The following CDV3 variants were observed in gnomAD, a reference collection of about 807,000 sequenced individuals.
CDV3 encodes the protein CDV3 homolog.
In CDV3, 14 loss-of-function variants were observed where a neutral mutation model predicts 24.5. That is an observed-to-expected ratio of 0.57 (90% CI 0.38 to 0.89). CDV3 has a LOEUF of 0.89. CDV3 is among the 40% of genes least tolerant of loss of function. The pLI is 0.00. For synonymous variants in CDV3, 114 were observed against 114.1 expected (o/e 1.00, Z 0.00); for missense variants, 304 against 310.2 (o/e 0.98, Z 0.15).
chr3:133,579,498 C>T (rs2074936450), intron 2 of CDV3, among the ~76,000 whole-genome samples: 1 of 152,014 alleles, frequency 6.6e-6, no homozygotes, highest in East Asian at 1.9e-4. Flanking sequence ...ATATGTAAAT[C>T]ATTTCTACCC....
intron 2 of CDV3, among the ~76,000 whole-genome samples, chr3:133,575,568 C>T (rs894972687): frequency 1.3e-5 from 2 of 152,168 alleles, no homozygotes; most frequent in African/African-American, 2.4e-5. Context: ...TGCAACCAAC[C>T]TGTGCAATAA....
At chr3:133,576,333 T>C (rs186757204) in intron 2 of CDV3, among the ~76,000 whole-genome samples, 159 of 151,814 alleles carry the variant, frequency 1.0e-3, no homozygotes, top group Non-Finnish European at 1.6e-4. Context: ...GCTTCCTTAA[T>C]GTGTCTTTCT....
Position 133,574,227 on chromosome 3 carries a change from C to T in CDV3, c.183C>T (p.Gly61=). 3 of 996,406 alleles carry T rather than the reference C, an allele frequency of 3.0e-6. No individual in the cohort carries two copies. Among genetic ancestry groups the T allele is most frequent in the Non-Finnish European group, 3.6e-6 (3 of 838,636 alleles). 61.7% of individuals were successfully genotyped at this position (996,406 alleles called of 1,614,324 possible). ...GAGAGTRPGD[G]GTASAGAAGP... The stretch of plus-strand genomic sequence containing the variant: ...GCGCGGGGACCCGGCCGGGTGACGG[C>T]GGGACCGCCAGCGCGGGGGCTGCGG... Residue 61 remains glycine (G), a synonymous_variant, in exon 1 of 5, where the codon GGC becomes GGT. Transcript: ENST00000264993.
intron 4 of CDV3, 62 bp from the exon 5 acceptor site, chr3:133,587,834 G>C: frequency 6.6e-7 from 1 of 1,523,706 alleles, no homozygotes; most frequent in East Asian, 2.3e-5. Flanking sequence ...ATTCAAGGAC[G>C]AATATTTTCA....
Position 133,589,230 on chromosome 3 carries a change from ATGTACT to A in CDV3, c.*1188_*1193del, listed in dbSNP as rs1933898847. 6.6e-6 allele frequency: 1 copy of A among 152,638 alleles called. No individual in the cohort carries two copies. The highest frequency in any genetic ancestry group is 2.1e-4 in the South Asian group (1 of 4,828). 9.5% of individuals were successfully genotyped at this position (152,638 alleles called of 1,614,324 possible). On this transcript the variant is annotated 3_prime_UTR_variant, in exon 5 of 5. Transcript: ENST00000264993. ...GCATGATCTTTGATAAGAATTCCTC[ATGTACT>A]TGTGCCTAGTTTTTCAAGGTATTGG...
chr3:133,580,607 TAGA>T (rs2074976029), intron 2 of CDV3, among the ~76,000 whole-genome samples: 1 of 151,670 alleles, frequency 6.6e-6, no homozygotes, highest in African/African-American at 2.4e-5. Flanking sequence ...TGGGCTGAGA[TAGA>T]AGAATTGCTT....
In CDV3 at chr3:133,586,699, T is replaced by C; in HGVS notation, c.603T>C (p.Thr201=). 1 of 1,599,570 alleles carries C rather than the reference T, an allele frequency of 6.3e-7. No homozygotes were observed. Among genetic ancestry groups the C allele is most frequent in the Non-Finnish European group, 8.6e-7 (1 of 1,167,154 alleles). The change falls in exon 4 of 5, where the codon ACT becomes ACC. Residue 201 remains threonine (T), a synonymous_variant. Coordinates refer to ENST00000264993, the MANE Select transcript of CDV3 (RefSeq NM_017548.5). ...CACAGTTCCCATCCCTGCAGTCAAC[T>C]GCCAAGCATGTAGAAAGCCGGAAGT... ...SDTQFPSLQS[T]AKHVESRKDK...
At chr3:133,579,308 G>A (rs868845940) in intron 2 of CDV3, among the ~76,000 whole-genome samples, 2 of 152,162 alleles carry the variant, frequency 1.3e-5, no homozygotes, top group African/African-American at 4.8e-5. Context: ...ATTTACAGCA[G>A]TATTGTAGTG....
At chr3:133,579,004 G>GGGGAT (rs2074919629) in intron 2 of CDV3, among the ~76,000 whole-genome samples, 1 of 152,206 alleles carries the variant, frequency 6.6e-6, no homozygotes, top group South Asian at 2.1e-4. Flanking sequence ...GGGATAAAAT[G>GGGGAT]AATTAAAAGG....
At chr3:133,574,910 C>CT in intron 1 of CDV3, 129 bp from the exon 2 acceptor site, 2 of 745,624 alleles carry the variant, frequency 2.7e-6, no homozygotes, top group South Asian at 3.7e-5. Flanking sequence ...GAAGCAAGGG[C>CT]TTTGACCAGA....
chr3:133,583,288 G>T (rs1037549723), intron 2 of CDV3, among the ~76,000 whole-genome samples: 1 of 152,192 alleles, frequency 6.6e-6, no homozygotes, highest in African/African-American at 2.4e-5. Flanking sequence ...AGTATTTTAT[G>T]TGCGAAAGGA....
At chr3:133,587,549 G>C (rs1482261669) in intron 4 of CDV3, 2 of 1,099,214 alleles carry the variant, frequency 1.8e-6, no homozygotes, top group African/African-American at 1.6e-5. Flanking sequence ...TGTTACCCTT[G>C]TGCATAAAGA....
chr3:133,576,406 C>T (rs1250146970), intron 2 of CDV3, among the ~76,000 whole-genome samples: 2 of 152,176 alleles, frequency 1.3e-5, no homozygotes, highest in Middle Eastern at 3.4e-3. Context: ...AGGTTCTTAC[C>T]ATTTGGTGTT....
At chr3:133,585,816 A>G (rs1266665328) in intron 3 of CDV3, among the ~76,000 whole-genome samples, 2 of 152,214 alleles carry the variant, frequency 1.3e-5, no homozygotes, top group African/African-American at 2.4e-5. Flanking sequence ...ATCTTAAAAA[A>G]TAACCACACT....
chr3:133,575,315 T>C (rs1466509804), intron 2 of CDV3, among the ~76,000 whole-genome samples, 200 bp downstream of exon 2: 1 of 152,260 alleles, frequency 6.6e-6, no homozygotes, highest in East Asian at 1.9e-4. Flanking sequence ...AGCTGCTGAC[T>C]CTAAAATCCT....
rs2074708019 is a variant in CDV3 at position 133,574,146 on chromosome 3, A to G, written c.102A>G (p.Ala34=). 2.5e-6 allele frequency: 3 copies of G among 1,184,882 alleles called. No individual in the cohort carries two copies. The highest frequency in any genetic ancestry group is 3.3e-5 in the South Asian group (2 of 61,504). 73.4% of individuals were successfully genotyped at this position (1,184,882 alleles called of 1,614,324 possible). A position where few individuals can be genotyped will look rare whatever the true frequency, so the allele number is the denominator to read the frequency against. The change falls in exon 1 of 5, where the codon GCA becomes GCG. Residue 34 remains alanine, a synonymous_variant. Coordinates refer to ENST00000264993, the MANE Select transcript of CDV3 (RefSeq NM_017548.5). ...RSNRAASAAG[A]AGSAGGSSGA... The stretch of plus-strand genomic sequence containing the variant: ...ACCGGGCGGCGAGTGCCGCGGGCGC[A>G]GCGGGCAGCGCCGGCGGAAGCAGTG...
intron 1 of CDV3, chr3:133,574,715 A>G: frequency 1.8e-6 from 2 of 1,087,362 alleles, no homozygotes; most frequent in Admixed American, 4.8e-5. Flanking sequence ...TAAGCCCGTG[A>G]AAGAAAAAGA....
At chr3:133,574,596 A>T in intron 1 of CDV3, 1 of 992,444 alleles carries the variant, frequency 1.0e-6, no homozygotes, top group Non-Finnish European at 1.2e-6. Flanking sequence ...TTATCGGGTG[A>T]CGTCTAGGCT....
At chr3:133,585,153 C>T (rs1933452501) in intron 3 of CDV3, among the ~76,000 whole-genome samples, 4 of 151,990 alleles carry the variant, frequency 2.6e-5, no homozygotes, top group Admixed American at 2.6e-4. Flanking sequence ...ACTGCTTGGG[C>T]TCAAGTGATC....
Sources: allele counts gnomAD v4.1 joint callset (sites outside exome capture counted in the v4.1 genomes callset), GRCh38; gene constraint gnomAD v4.1.1; transcripts MANE v1.5; gene names NCBI Gene and HGNC (gene_info 2026-07-23, HGNC 2026-07-21).